The following LMF1 variants were observed in gnomAD, a reference collection of about 807,000 sequenced individuals.
The protein encoded by LMF1 is lipase maturation factor 1, also known as transmembrane protein 112.
In LMF1, 68 loss-of-function variants were observed where a neutral mutation model predicts 60.6. That is an observed-to-expected ratio of 1.12 (90% CI 0.92 to 1.37). LMF1 has a LOEUF of 1.37. LMF1 is among the 40% of genes most tolerant of loss of function. LMF1 has a pLI of 0.00. For synonymous variants in LMF1, 418 were observed against 324.7 expected (o/e 1.29, Z -3.09); for missense variants, 948 against 767.2 (o/e 1.24, Z -2.78).
intron 10 of LMF1, among the ~76,000 whole-genome samples, chr16:857,107 C>G (rs1407952047): frequency 6.6e-6 from 1 of 152,284 alleles, no homozygotes; most frequent in Non-Finnish European, 1.5e-5. Context: ...CTTCCTTCCT[C>G]CTCGTCGCTG....
chr16:916,417 T>C (rs545911773), intron 3 of LMF1, among the ~76,000 whole-genome samples: 3 of 152,338 alleles, frequency 2.0e-5, no homozygotes, highest in East Asian at 1.9e-4. Context: ...CAGAGAGAGC[T>C]GGGAGCTTTT....
chr16:945,945 C>G (rs553310353), intron 2 of LMF1, among the ~76,000 whole-genome samples: 2 of 152,162 alleles, frequency 1.3e-5, no homozygotes, highest in East Asian at 1.9e-4. Context: ...TGTTCTCCCC[C>G]CGGCGTCCAG....
In LMF1 at chr16:878,886, A is replaced by C. The variant is rs1235714792; in HGVS notation, c.897+684T>G. Among the ~76,000 whole-genome samples the C allele has an allele frequency of 6.6e-6, 1 of 152,198 alleles. No individual in the cohort carries two copies. The highest frequency in any genetic ancestry group is 2.4e-5 in the African/African-American group (1 of 41,424). On this transcript the variant is annotated intron_variant, in intron 6 of 10. Coordinates refer to ENST00000262301, the MANE Select transcript of LMF1 (RefSeq NM_022773.4). The surrounding 1 kb of genome is among the most constrained non-coding windows in gnomAD (Gnocchi z 5.2). The stretch of plus-strand genomic sequence containing the variant: ...CTCCATTGAAACAATCGAGAGAGAG[A>C]ACCACCTTTAAAATCCCCACCACAT...
At chr16:945,661 G>A (rs1195760906) in intron 2 of LMF1, among the ~76,000 whole-genome samples, 3 of 152,198 alleles carry the variant, frequency 2.0e-5, no homozygotes, top group Non-Finnish European at 4.4e-5. Flanking sequence ...ATAACTAGAA[G>A]GCCTCGGCAG....
At chr16:973,939 G>A (rs2073090098), upstream of LMF1, among the ~76,000 whole-genome samples, 1 of 151,784 alleles carries the variant, frequency 6.6e-6, no homozygotes, top group African/African-American at 2.4e-5. Flanking sequence ...GAACGCGGGG[G>A]CTGGAGCTTG....
At chr16:937,939 C>T (rs1597034016) in intron 2 of LMF1, among the ~76,000 whole-genome samples, 1 of 152,092 alleles carries the variant, frequency 6.6e-6, no homozygotes, top group Non-Finnish European at 1.5e-5. Flanking sequence ...GAACCACGCC[C>T]AGGTTCCTGA....
intron 4 of LMF1, among the ~76,000 whole-genome samples, chr16:905,731 T>C (rs1418047570): frequency 6.6e-6 from 1 of 151,072 alleles, no homozygotes; most frequent in African/African-American, 2.4e-5. Flanking sequence ...CTCGGTGGTG[T>C]CTTTTGAAGA....
chr16:975,390 G>A (rs1344218204), upstream of LMF1, among the ~76,000 whole-genome samples: 1 of 152,140 alleles, frequency 6.6e-6, no homozygotes, highest in Non-Finnish European at 1.5e-5. Context: ...TGGCCCAGAG[G>A]TCACAAACCA....
At chr16:884,158 G>A (rs2070242350) in intron 5 of LMF1, 2 of 152,210 alleles carry the variant, frequency 1.3e-5, no homozygotes. Flanking sequence ...TGTCTGGTGT[G>A]AAGGTGGCCA....
intron 1 of LMF1, among the ~76,000 whole-genome samples, chr16:966,097 C>T (rs765793672): frequency 1.1e-4 from 16 of 152,066 alleles, no homozygotes; most frequent in Non-Finnish European, 2.1e-4. Context: ...AGAAGGGTGT[C>T]GGCAGCCACG....
chr16:910,355 G>A (rs1405384612), intron 4 of LMF1, among the ~76,000 whole-genome samples: 1 of 152,004 alleles, frequency 6.6e-6, no homozygotes. Context: ...CCCCCACCCC[G>A]GGGCTCAGCA....
Position 854,092 on chromosome 16 carries a change from A to C in LMF1, c.*440T>G. ...CAGGGACTTGGCTCTGAGGGTCAGG[A>C]CCTGGCTGGGAACACACCATTGAAG... On this transcript the variant is annotated 3_prime_UTR_variant, in exon 11 of 11. Transcript: ENST00000262301. 2.2e-6 allele frequency: 1 copy of C among 457,572 alleles called. No individual in the cohort carries two copies. Among genetic ancestry groups the C allele is most frequent in the South Asian group, 1.6e-5 (1 of 64,512 alleles). The allele number at this position is 457,572 out of a possible 1,614,324, so 28.3% of individuals were successfully genotyped here. A position where few individuals can be genotyped will look rare whatever the true frequency, so the allele number is the denominator to read the frequency against.
intron 4 of LMF1, chr16:902,470 G>A (rs1432993053): frequency 6.5e-6 from 1 of 153,874 alleles, no homozygotes; most frequent in African/African-American, 2.4e-5. Context: ...GCCTGTTTCA[G>A]GCTCTGGCTC....
At chr16:863,784 C>T (rs1198795792) in intron 10 of LMF1, among the ~76,000 whole-genome samples, 2 of 152,202 alleles carry the variant, frequency 1.3e-5, no homozygotes, top group Admixed American at 6.5e-5. Flanking sequence ...CAGGTGCTTC[C>T]ACGGCATCCA....
In LMF1 at chr16:884,060, A is replaced by G. The variant is rs2070239594; in HGVS notation, c.730-4323T>C. ...TTTGAAGCTCTATTATCAGGCGCAT[A>G]CGTGTTTGAGAGTCTTCTGACCTCC... On this transcript the variant is annotated intron_variant, in intron 5 of 10. Transcript: ENST00000262301. 4 of 152,218 alleles carry G rather than the reference A, an allele frequency of 2.6e-5. No individual in the cohort carries two copies. The South Asian group carries it at 8.3e-4, about 32-fold the overall frequency. 9.4% of individuals were successfully genotyped at this position (152,218 alleles called of 1,614,324 possible). A position where few individuals can be genotyped will look rare whatever the true frequency, so the allele number is the denominator to read the frequency against.
At chr16:955,544 AT>A (rs2151479723) in intron 1 of LMF1, among the ~76,000 whole-genome samples, 98 of 146,508 alleles carry the variant, frequency 6.7e-4, no homozygotes, top group African/African-American at 2.5e-3. Flanking sequence ...CAGTGTGTGC[AT>A]ACACGCACAC....
intron 4 of LMF1, among the ~76,000 whole-genome samples, chr16:904,488 C>T (rs369174960): frequency 7.5e-3 from 390 of 51,720 alleles, no homozygotes; most frequent in African/African-American, 0.014. Context: ...ACCTCTGCAC[C>T]GCCCACAGGA....
chr16:875,302 A>G (rs2069941289), intron 6 of LMF1, among the ~76,000 whole-genome samples: 1 of 152,068 alleles, frequency 6.6e-6, no homozygotes. Context: ...GCACTAAGGG[A>G]ACCCGCAGCC....
intron 1 of LMF1, among the ~76,000 whole-genome samples, chr16:967,819 C>T (rs528474895): frequency 1.3e-5 from 2 of 152,188 alleles, no homozygotes; most frequent in Non-Finnish European, 2.9e-5. Context: ...GCTGCACAGC[C>T]GGGCCAGTGG....
Sources: gnomAD v4.1 joint callset for allele counts (sites outside exome capture counted in the v4.1 genomes callset) on GRCh38, gnomAD v4.1.1 for gene constraint, Gnocchi (gnomAD v3.1) non-coding constraint, MANE v1.5 for transcripts, NCBI Gene and HGNC (gene_info 2026-07-23, HGNC 2026-07-21) for gene names.